The following VPS13B variants were observed in gnomAD, a reference collection of about 807,000 sequenced individuals.
VPS13B encodes vacuolar protein sorting 13 homolog B.
Under a neutral mutation model 426.4 loss-of-function variants are expected in VPS13B, and 285 were observed. That is an observed-to-expected ratio of 0.67 (90% confidence interval 0.61 to 0.74). The LOEUF is 0.74. Among genes scored for constraint, VPS13B ranks in the 30% least tolerant of loss-of-function variants. The pLI, the probability that VPS13B is intolerant of heterozygous loss-of-function variation, is 0.00. For synonymous variants in VPS13B, 1,676 were observed against 1,676.4 expected, an observed-to-expected ratio of 1.00 and a Z score of 0.01; for missense variants, 4,537 against 4,782.6, an observed-to-expected ratio of 0.95 and a Z score of 1.51.
At chr8:99,129,991 T>C (rs1809691996) in intron 8 of VPS13B, among the ~76,000 whole-genome samples, 4 of 152,308 alleles carry the variant, frequency 2.6e-5, no homozygotes, top group Middle Eastern at 3.4e-3. Context: ...CACTGCAGCC[T>C]GGGTGACAGA....
intron 33 of VPS13B, among the ~76,000 whole-genome samples, chr8:99,616,430 G>A (rs569093186): frequency 1.3e-5 from 2 of 152,182 alleles, no homozygotes; most frequent in South Asian, 2.1e-4. Flanking sequence ...ATCTCAAGAC[G>A]TTTAAGAGGA....
chr8:99,565,045 C>T (rs1342707196), intron 31 of VPS13B, among the ~76,000 whole-genome samples: 2 of 152,154 alleles, frequency 1.3e-5, no homozygotes, highest in South Asian at 2.1e-4. Context: ...TATATGGATA[C>T]TAGTGCTTTA....
chr8:99,104,968 A>G (rs1846965662), intron 5 of VPS13B, among the ~76,000 whole-genome samples: 1 of 152,068 alleles, frequency 6.6e-6, no homozygotes, highest in African/African-American at 2.4e-5. Context: ...ATCTCTTTTT[A>G]ATGTTTAGTC....
intron 22 of VPS13B, among the ~76,000 whole-genome samples, chr8:99,439,790 A>G (rs1268037187): frequency 6.6e-6 from 1 of 152,134 alleles, no homozygotes; most frequent in Non-Finnish European, 1.5e-5. Context: ...AATAAAACCT[A>G]TCTTAGTCTC....
At chr8:99,276,858 A>G (rs73285965) in intron 19 of VPS13B, among the ~76,000 whole-genome samples, 2,567 of 152,226 alleles carry the variant, frequency 0.017, 65 homozygotes, top group African/African-American at 0.059. Context: ...ATACCTAAGA[A>G]GAGATTAATC....
chr8:99,233,291 T>A (rs1208919370), intron 17 of VPS13B: 4 of 1,134,148 alleles, frequency 3.5e-6, no homozygotes, highest in Admixed American at 1.7e-5. Context: ...CGGCCAGCTG[T>A]GGAAGAGAGC....
In VPS13B at chr8:99,223,669, A is replaced by G. The variant is rs1479941636; in HGVS notation, c.2515+30612A>G. Among the ~76,000 whole-genome samples, 15 of 152,304 alleles carry G rather than the reference A, an allele frequency of 9.8e-5. No homozygotes were observed. The East Asian group carries it at 2.7e-3, about 27-fold the overall frequency. ...TGGATAGGGTAGTAATAAAGTTGGT[A>G]TACAAATACATGAAGTTTGTACAAA... On this transcript the variant is annotated intron_variant, in intron 17 of 61. Coordinates refer to ENST00000357162, the MANE Select transcript of VPS13B (RefSeq NM_152564.5).
At chr8:99,838,457 A>G (rs922169506) in intron 54 of VPS13B, among the ~76,000 whole-genome samples, 1 of 152,204 alleles carries the variant, frequency 6.6e-6, no homozygotes, top group African/African-American at 2.4e-5. Flanking sequence ...TTATTTTGAA[A>G]AAGTCAAAAT....
chr8:99,482,972 A>G (rs1388083850), intron 25 of VPS13B, among the ~76,000 whole-genome samples: 1 of 152,156 alleles, frequency 6.6e-6, no homozygotes, highest in Non-Finnish European at 1.5e-5. Context: ...ACTGTTCTAT[A>G]GTAGATGGAG....
chr8:99,745,245 T>C (rs988555757), intron 39 of VPS13B, among the ~76,000 whole-genome samples: 15 of 152,142 alleles, frequency 9.9e-5, no homozygotes, highest in African/African-American at 1.4e-4. Context: ...TTTGGAAGTT[T>C]CTTGTTCTAT....
chr8:99,336,028 T>A (rs1357330116), intron 19 of VPS13B, among the ~76,000 whole-genome samples: 1 of 152,128 alleles, frequency 6.6e-6, no homozygotes, highest in African/African-American at 2.4e-5. Flanking sequence ...AAAGTTCATA[T>A]GGCACCAAAA....
In VPS13B at chr8:99,326,504, G is replaced by T. The variant is rs547803399; in HGVS notation, c.2824+51250G>T. Among the ~76,000 whole-genome samples, 4 of 61,298 alleles carry T rather than the reference G, an allele frequency of 6.5e-5. No individual in the cohort carries two copies. The South Asian group carries it at 2.3e-3, about 36-fold the overall frequency. The allele number at this position is 61,298 out of a possible 152,430, so 40.2% of individuals were successfully genotyped here. A position where few individuals can be genotyped will look rare whatever the true frequency, so the allele number is the denominator to read the frequency against. Reference sequence around the variant, plus strand: ...TTTTGAGACAGAATCTTGCTCTGTTGCCTAGTGGCACAATCTCAGCTCACT... The same window carrying T: ...TTTTGAGACAGAATCTTGCTCTGTTTCCTAGTGGCACAATCTCAGCTCACT... On this transcript the variant is annotated intron_variant, in intron 19 of 61. Transcript: ENST00000357162.
At chr8:99,577,077 T>C (rs2133811123) in intron 32 of VPS13B, among the ~76,000 whole-genome samples, 1 of 152,240 alleles carries the variant, frequency 6.6e-6, no homozygotes, top group South Asian at 2.1e-4. Flanking sequence ...GTGATATTCA[T>C]AGGACTCTAC....
chr8:99,672,678 T>C (rs1341799751), intron 35 of VPS13B, among the ~76,000 whole-genome samples: 1 of 152,122 alleles, frequency 6.6e-6, no homozygotes, highest in Non-Finnish European at 1.5e-5. Flanking sequence ...TCCAATACTA[T>C]GTGGAATAAG....
chr8:99,805,101 T>G (rs576326659), intron 43 of VPS13B, among the ~76,000 whole-genome samples: 20 of 151,000 alleles, frequency 1.3e-4, no homozygotes, highest in African/African-American at 4.8e-4. Context: ...TTTATTTCAC[T>G]TGGATTGCAT....
intron 57 of VPS13B, among the ~76,000 whole-genome samples, chr8:99,860,169 G>A (rs373744401): frequency 2.0e-5 from 3 of 152,330 alleles, no homozygotes; most frequent in African/African-American, 7.2e-5. Context: ...AAAGGCATCT[G>A]ACTATAGGCC....
chr8:99,150,544 C>G (rs753268898), intron 14 of VPS13B, among the ~76,000 whole-genome samples: 14 of 152,190 alleles, frequency 9.2e-5, no homozygotes, highest in Non-Finnish European at 1.9e-4. Context: ...CTATTCATCC[C>G]TTCCTCTCCC....
At chr8:99,696,070 T>C (rs1200646693) in intron 35 of VPS13B, 1 of 154,732 alleles carries the variant, frequency 6.5e-6, no homozygotes, top group Non-Finnish European at 1.4e-5. Context: ...GCGATCGCCA[T>C]GGCTGTTAGG....
In VPS13B at chr8:99,438,117, A is replaced by AT. The variant is rs1241567782; in HGVS notation, c.3211-4283dup. Among the ~76,000 whole-genome samples the AT allele has an allele frequency of 8.8e-5, 13 of 148,496 alleles. 1 individual carries two copies. In the East Asian group the frequency reaches 2.2e-3, roughly 25 times the overall value. On this transcript the variant is annotated intron_variant, in intron 22 of 61. Transcript: ENST00000357162. ...GAGTTTAATGGCATTTTTAATTTCA[A>AT]TACCAAGCATTCTGGTCTCTTTCTT...
Sources: allele counts gnomAD v4.1 joint callset (sites outside exome capture counted in the v4.1 genomes callset), GRCh38; gene constraint gnomAD v4.1.1; transcripts MANE v1.5; gene names NCBI Gene and HGNC (gene_info 2026-07-23, HGNC 2026-07-21).